Variants in COPG2 observed in about 807,000 individuals in gnomAD.
The protein encoded by COPG2 is coatomer subunit gamma-2.
COPG2 carries 37 observed loss-of-function variants against 46.3 expected under a neutral mutation model. The ratio of observed to expected loss-of-function variants is 0.80; its 90% CI spans 0.61 to 1.05. The LOEUF (loss-of-function observed/expected upper bound fraction) is 1.05, where lower values mean the gene tolerates loss of function less well. Ranked by LOEUF, COPG2 falls within the 50% of genes least tolerant of loss-of-function variation. The pLI, the probability that COPG2 is intolerant of heterozygous loss-of-function variation, is 0.00. For missense variants in COPG2, 427 were observed against 387.8 expected (o/e 1.10, Z -0.85); for synonymous variants, 159 against 129.7 (o/e 1.23, Z -1.53).
At chr7:130,618,665 T>G (rs1794989319) in intron 5 of COPG2, among the ~76,000 whole-genome samples, 1 of 152,218 alleles carries the variant, frequency 6.6e-6, no homozygotes. Flanking sequence ...TTAATCAATC[T>G]GTATCAAGTA....
chr7:130,617,056 T>G lies in COPG2; in HGVS notation c.333A>C (p.Lys111Asn), dbSNP rs1794963941. The G allele has an allele frequency of 6.2e-7, 1 of 1,608,028 alleles. No homozygotes were observed. The highest frequency in any genetic ancestry group is 1.7e-5 in the Admixed American group (1 of 59,730). ...ATACATCTTCTTTTCCAGTCATGTC[T>G]TTAGTCAGACTAAGAAAAATCAAAT... ...DVIIVTSSLT[K>N]DMTGKEDVYR... The change falls in exon 6 of 24, where the codon AAA becomes AAC. Residue 111 changes from lysine to asparagine, a missense_variant. Transcript: ENST00000425248.
chr7:130,643,558 G>A (rs1385412687), intron 5 of COPG2, among the ~76,000 whole-genome samples: 3 of 152,102 alleles, frequency 2.0e-5, no homozygotes, highest in Admixed American at 6.5e-5. Context: ...AACGTTCGGG[G>A]TTCTCTTTTA....
At chr7:130,586,355 T>C (rs1294567204) in intron 9 of COPG2, among the ~76,000 whole-genome samples, 2 of 152,020 alleles carry the variant, frequency 1.3e-5, no homozygotes, top group Non-Finnish European at 2.9e-5. Context: ...GCTTCAAATA[T>C]GGTGGAGTGT....
At chr7:130,647,389 A>T (rs1373812350) in intron 5 of COPG2, among the ~76,000 whole-genome samples, 2 of 152,084 alleles carry the variant, frequency 1.3e-5, no homozygotes, top group African/African-American at 4.8e-5. Context: ...AACTCCATGG[A>T]TATTTTTTCA....
intron 9 of COPG2, chr7:130,608,217 CA>C: frequency 4.3e-6 from 2 of 468,246 alleles, no homozygotes; most frequent in East Asian, 6.1e-5. Context: ...CTGCATGATA[CA>C]AAAACTTTAC....
At chr7:130,507,477 AG>A in intron 22 of COPG2, 105 bp from the exon 23 acceptor site, 1 of 734,328 alleles carries the variant, frequency 1.4e-6, no homozygotes, top group Non-Finnish European at 2.5e-6. Flanking sequence ...TTGTTGGTGA[AG>A]GGGGTTGTTG....
At chr7:130,644,034 T>C (rs539836320) in intron 5 of COPG2, among the ~76,000 whole-genome samples, 7 of 152,324 alleles carry the variant, frequency 4.6e-5, no homozygotes, top group South Asian at 4.1e-4. Context: ...AAAACAACTT[T>C]GGCAGTTTGG....
chr7:130,553,379 T>C (rs1056403020), intron 14 of COPG2, among the ~76,000 whole-genome samples: 1 of 151,902 alleles, frequency 6.6e-6, no homozygotes, highest in African/African-American at 2.4e-5. Context: ...AGGCAGGATA[T>C]ATGTGAGTCT....
intron 4 of COPG2, among the ~76,000 whole-genome samples, chr7:130,661,897 T>C (rs1170400084): frequency 2.6e-5 from 4 of 152,170 alleles, no homozygotes; most frequent in Non-Finnish European, 5.9e-5. Context: ...CCTTATATCA[T>C]GTGGCTACAG....
chr7:130,536,469 G>GT (rs1328881541), intron 20 of COPG2, among the ~76,000 whole-genome samples: 1 of 152,102 alleles, frequency 6.6e-6, no homozygotes, highest in Non-Finnish European at 1.5e-5. Flanking sequence ...CTCAGAAAAA[G>GT]TAAGGGAAAA....
At chr7:130,640,704 A>G (rs1795448370) in intron 5 of COPG2, among the ~76,000 whole-genome samples, 1 of 152,208 alleles carries the variant, frequency 6.6e-6, no homozygotes, top group South Asian at 2.1e-4. Context: ...GGAAAAAGAG[A>G]AGGGAAGTAG....
chr7:130,577,795 A>T (rs1480774349), intron 9 of COPG2, among the ~76,000 whole-genome samples: 2 of 151,674 alleles, frequency 1.3e-5, no homozygotes, highest in Non-Finnish European at 2.9e-5. Context: ...AAAACAAAAA[A>T]AAAAAACAGC....
intron 7 of COPG2, 25 bp downstream of exon 7, chr7:130,613,519 A>G (rs782274822): frequency 7.1e-7 from 1 of 1,408,084 alleles, no homozygotes; most frequent in East Asian, 2.3e-5. Flanking sequence ...ATGCTTAAGA[A>G]CTAGGAAGCT....
chr7:130,511,752 A>G (rs782759749), intron 20 of COPG2: 6 of 517,720 alleles, frequency 1.2e-5, no homozygotes, highest in Non-Finnish European at 2.3e-5. Flanking sequence ...AGAATGGGGT[A>G]TCCTGTCTAG....
At chr7:130,608,374 T>C (rs1187658339) in intron 9 of COPG2, 1 of 251,292 alleles carries the variant, frequency 4.0e-6, no homozygotes, top group African/African-American at 2.3e-5. Flanking sequence ...CCTTTTAATT[T>C]ACCTACACAT....
intron 9 of COPG2, among the ~76,000 whole-genome samples, chr7:130,593,508 C>G (rs1794470586): frequency 6.6e-6 from 1 of 152,124 alleles, no homozygotes; most frequent in Non-Finnish European, 1.5e-5. Flanking sequence ...TTTTCTCTAG[C>G]ATACATCTAC....
chr7:130,592,524 AG>A (rs1794451809), intron 9 of COPG2, among the ~76,000 whole-genome samples: 1 of 152,194 alleles, frequency 6.6e-6, no homozygotes, highest in Non-Finnish European at 1.5e-5. Context: ...CCCTAATGGC[AG>A]GAAAAGCATG....
intron 4 of COPG2, among the ~76,000 whole-genome samples, chr7:130,661,962 G>T (rs1214883112): frequency 6.6e-6 from 1 of 152,130 alleles, no homozygotes; most frequent in Non-Finnish European, 1.5e-5. Context: ...AATGCAAATT[G>T]AATTCACACT....
At position 130,506,784 on chromosome 7, in the gene COPG2, A is replaced by G. The variant is rs1554440188; in HGVS notation, c.2508T>C (p.Asp836=). 1.3e-6 allele frequency: 1 copy of G among 779,678 alleles called. No homozygotes were observed. Among genetic ancestry groups the G allele is most frequent in the East Asian group, 2.4e-5 (1 of 41,212 alleles). 48.3% of individuals were successfully genotyped at this position (779,678 alleles called of 1,614,324 possible). A position where few individuals can be genotyped will look rare whatever the true frequency, so the allele number is the denominator to read the frequency against. Residue 836 remains aspartate, a synonymous_variant, in exon 24 of 24, where the codon GAT becomes GAC. Transcript: ENST00000425248. ...AGGCCAGCCTGGACCTCACCAATAA[A>G]TCATAGCCACCTCTGAATATACCTG... ...YLAGIFRGGY[D]LLVRSRLALA...
Sources: allele counts gnomAD v4.1 joint callset (sites outside exome capture counted in the v4.1 genomes callset), GRCh38; gene constraint gnomAD v4.1.1; transcripts MANE v1.5; gene names NCBI Gene and HGNC (gene_info 2026-07-23, HGNC 2026-07-21).